Variants in DRP2 observed in about 807,000 individuals in gnomAD.
DRP2 encodes dystrophin related protein 2.
A neutral mutation model predicts 78.2 loss-of-function variants in DRP2; 29 were observed. The observed-to-expected ratio is 0.37, with a 90% confidence interval of 0.28 to 0.51. The LOEUF is 0.51. Among genes scored for constraint, DRP2 ranks in the 20% least tolerant of loss-of-function variants. DRP2 has a pLI of 0.94. For synonymous variants in DRP2, 290 were observed against 281.9 expected, an observed-to-expected ratio of 1.03 and a Z score of -0.29; for missense variants, 686 against 770.6, an observed-to-expected ratio of 0.89 and a Z score of 1.30.
chrX:101,262,909 C>T lies in DRP2; in HGVS notation c.*2288C>T, dbSNP rs1278685116. On this transcript the variant is annotated 3_prime_UTR_variant, in exon 24 of 24. Transcript: ENST00000395209. ...TACATGTTATGGAGCAATTTTTTAC[C>T]AGGAAAGTCCTGGAAAATCTTTTCT... The T allele has an allele frequency of 9.0e-6, 1 of 111,295 alleles. No homozygotes were observed. The allele number at this position is 111,295 out of a possible 1,213,427, so 9.2% of individuals were successfully genotyped here. A position where few individuals can be genotyped will look rare whatever the true frequency, so the allele number is the denominator to read the frequency against.
At chrX:101,225,183 G>A (rs984512110) in intron 2 of DRP2, among the ~76,000 whole-genome samples, 9 of 110,917 alleles carry the variant, frequency 8.1e-5, no homozygotes, top group African/African-American at 3.0e-4. Flanking sequence ...TAGACTCACT[G>A]CATCTTATCT....
At position 101,241,969 on chromosome X, in the gene DRP2, C is replaced by T. The variant is rs1922748199; in HGVS notation, c.828+33C>T. ...AGCCCCCTCCCCTGACTACAGTCTA[C>T]CCTGAGACCTGACACTCTCCCCAGA... is the stretch of plus-strand genomic sequence containing the variant. On this transcript the variant is annotated intron_variant, in intron 7 of 23. Coordinates refer to ENST00000395209, the MANE Select transcript of DRP2 (RefSeq NM_001939.3). The T allele has an allele frequency of 7.0e-6, 8 of 1,142,627 alleles. No homozygotes were observed. In the South Asian group the frequency reaches 1.2e-4, roughly 17 times the overall value. 94.2% of individuals were successfully genotyped at this position (1,142,627 alleles called of 1,213,427 possible).
intron 1 of DRP2, among the ~76,000 whole-genome samples, chrX:101,221,936 A>C (rs781560992): frequency 8.9e-6 from 1 of 112,285 alleles, no homozygotes; most frequent in East Asian, 2.8e-4. Context: ...CTAAACATGC[A>C]TCAGCAACAA....
chrX:101,260,031 T>A lies in DRP2; in HGVS notation c.2629-18T>A, dbSNP rs777043810. 8.3e-7 allele frequency: 1 copy of A among 1,211,008 alleles called. No homozygotes were observed. The highest frequency in any genetic ancestry group is 1.8e-5 in the South Asian group (1 of 56,752). Reference sequence around the variant, plus strand: ...CAGGAAGGCAAATCCACTTAAGTCATGCCTTACCTCTTGCTAGCCACCCAC... The same window carrying A: ...CAGGAAGGCAAATCCACTTAAGTCAAGCCTTACCTCTTGCTAGCCACCCAC... On this transcript the variant is annotated intron_variant, in intron 22 of 23. Coordinates refer to ENST00000395209, the MANE Select transcript of DRP2 (RefSeq NM_001939.3).
chrX:101,253,761 G>A lies in DRP2; in HGVS notation c.1978-664G>A, dbSNP rs775996720. Among the ~76,000 whole-genome samples the A allele has an allele frequency of 2.8e-5, 3 of 109,071 alleles. No individual in the cohort carries two copies. In the Admixed American group the frequency reaches 3.0e-4, roughly 11 times the overall value. 94.7% of individuals were successfully genotyped at this position (109,071 alleles called of 115,157 possible). Reference sequence around the variant, plus strand: ...CTTCAAATCCTGTTGACACAGAAACGTGTGGCCTGGTGGGAACAGGGACCA... The same window carrying A: ...CTTCAAATCCTGTTGACACAGAAACATGTGGCCTGGTGGGAACAGGGACCA... On this transcript the variant is annotated intron_variant, in intron 17 of 23. Transcript: ENST00000395209.
At chrX:101,247,973 G>C in intron 12 of DRP2, 116 bp from the exon 13 acceptor site, 1 of 638,679 alleles carries the variant, frequency 1.6e-6, no homozygotes, top group Non-Finnish European at 2.4e-6. Context: ...ATTTGCAAAT[G>C]GTTGATCTGG....
intron 20 of DRP2, 114 bp from the exon 21 acceptor site, chrX:101,256,004 T>C (rs1923322474): frequency 1.9e-5 from 18 of 950,542 alleles, no homozygotes; most frequent in Non-Finnish European, 2.1e-5. Context: ...TCCCTCTCGA[T>C]GTGACTTAGA....
chrX:101,250,641 G>T, intron 15 of DRP2, 61 bp downstream of exon 15: 1 of 1,140,683 alleles, frequency 8.8e-7, no homozygotes, highest in Admixed American at 2.7e-5. Flanking sequence ...TGGGAAGAAG[G>T]GAAGGAGGAC....
intron 9 of DRP2, among the ~76,000 whole-genome samples, chrX:101,243,476 G>A (rs1922814568): frequency 9.6e-6 from 1 of 104,104 alleles, no homozygotes; most frequent in Non-Finnish European, 2.0e-5. Flanking sequence ...CCTAATAACT[G>A]TGCAGGCTCA....
intron 2 of DRP2, among the ~76,000 whole-genome samples, chrX:101,229,573 G>A (rs1914615153): frequency 9.0e-6 from 1 of 111,245 alleles, no homozygotes; most frequent in Non-Finnish European, 1.9e-5. Context: ...ACTATTGTGG[G>A]TGAGAGTGGG....
At chrX:101,255,464 C>T (rs192763710) in intron 20 of DRP2, among the ~76,000 whole-genome samples, 42 of 111,608 alleles carry the variant, frequency 3.8e-4, no homozygotes, top group Non-Finnish European at 7.5e-5. Context: ...GATGTACTAG[C>T]TCTCTGCCAT....
At position 101,251,010 on chromosome X, in the gene DRP2, G is replaced by A. The variant is rs974780455; in HGVS notation, c.1792G>A (p.Val598Ile). Residue 598 changes from valine (V) to isoleucine (I), a missense_variant, in exon 16 of 24, where the codon GTC becomes ATC. Transcript: ENST00000395209. ...SMVWLAVLHR[V>I]TIAEQVKHQT... is the part of the protein sequence containing the mutation. Reference sequence around the variant, plus strand: ...GGTGTGGCTGGCTGTTCTGCATCGGGTCACCATTGCTGAGCAAGTGAAGCA... The same window carrying A: ...GGTGTGGCTGGCTGTTCTGCATCGGATCACCATTGCTGAGCAAGTGAAGCA... 5.0e-6 allele frequency: 6 copies of A among 1,210,085 alleles called. No individual in the cohort carries two copies. Among genetic ancestry groups the A allele is most frequent in the Admixed American group, 2.2e-5 (1 of 45,768 alleles).
At chrX:101,259,999 G>A (rs901696918) in intron 22 of DRP2, 50 bp from the exon 23 acceptor site, 1 of 1,203,743 alleles carries the variant, frequency 8.3e-7, no homozygotes, top group Admixed American at 2.2e-5. Context: ...GTCTGTCAGA[G>A]TAAGGTCAGG....
Position 101,248,597 on chromosome X carries a change from A to T in DRP2, c.1538A>T (p.Gln513Leu). The stretch of plus-strand genomic sequence containing the variant: ...GGCACGGAAGTGAAGGAAAAACTTC[A>T]GTGTGAGTAGAACTCCAAAGTGTGG... ...LCGTEVKEKLQYLFSQVANSG... is the reference protein window; with the variant it reads ...LCGTEVKEKLLYLFSQVANSG... The change falls in exon 14 of 24, where the codon CAG becomes CTG. Residue 513 changes from glutamine to leucine, a missense_variant and splice_region_variant. By Grantham distance (113) the Gln-to-Leu change is moderately radical (BLOSUM62 -2). This residue lies in a region of DRP2 where 423 missense variants were observed against 531.5 expected (regional missense o/e 0.80). Coordinates refer to ENST00000395209, the MANE Select transcript of DRP2 (RefSeq NM_001939.3). 1 of 1,208,690 alleles carries T rather than the reference A, an allele frequency of 8.3e-7. No individual in the cohort carries two copies. Among genetic ancestry groups the T allele is most frequent in the Non-Finnish European group, 1.1e-6 (1 of 892,574 alleles).
chrX:101,233,728 T>C (rs1244699136), intron 3 of DRP2, among the ~76,000 whole-genome samples: 10 of 111,672 alleles, frequency 9.0e-5, no homozygotes, highest in Non-Finnish European at 1.9e-5. Flanking sequence ...GAAAGGGCCT[T>C]CCCCTGCCCC....
At chrX:101,246,477 T>C (rs986034694) in intron 11 of DRP2, among the ~76,000 whole-genome samples, 3 of 112,394 alleles carry the variant, frequency 2.7e-5, no homozygotes, top group Non-Finnish European at 3.8e-5. Context: ...GACACGTGGG[T>C]CATTTCTTGT....
At chrX:101,227,506 T>C (rs1460377886) in intron 2 of DRP2, among the ~76,000 whole-genome samples, 3 of 111,796 alleles carry the variant, frequency 2.7e-5, no homozygotes. Flanking sequence ...TCTCAGCATC[T>C]TCATCTGTAA....
chrX:101,230,479 T>C (rs1922264834), intron 2 of DRP2, among the ~76,000 whole-genome samples: 1 of 111,204 alleles, frequency 9.0e-6, no homozygotes, highest in South Asian at 3.8e-4. Flanking sequence ...TGAGCTGAGA[T>C]CGCGCCACTG....
chrX:101,252,808 G>A (rs1923185897), intron 17 of DRP2, 92 bp downstream of exon 17: 1 of 698,252 alleles, frequency 1.4e-6, no homozygotes, highest in Non-Finnish European at 2.1e-6. Context: ...ATTGTTTTCT[G>A]CTCTCCCGTG....
Sources: allele counts gnomAD v4.1 joint callset (sites outside exome capture counted in the v4.1 genomes callset), GRCh38; gene constraint gnomAD v4.1.1; regional missense constraint gnomAD v4.1.1; transcripts MANE v1.5; gene names NCBI Gene and HGNC (gene_info 2026-07-23, HGNC 2026-07-21).